MAP4K4: variants seen among roughly 807,000 people sequenced by gnomAD.
MAP4K4 encodes mitogen-activated protein kinase kinase kinase kinase 4, also known as HPK/GCK-like kinase HGK.
In MAP4K4, 38 loss-of-function variants were observed where a neutral mutation model predicts 189.6. The ratio of observed to expected loss-of-function variants is 0.20; its 90% CI spans 0.15 to 0.26. MAP4K4 has a LOEUF of 0.26. Ranked by LOEUF, MAP4K4 falls within the 10% of genes least tolerant of loss-of-function variation. The pLI is 1.00. For missense variants in MAP4K4, 1,054 were observed against 1,726.9 expected (o/e 0.61, Z 6.91); for synonymous variants, 610 against 624.3 (o/e 0.98, Z 0.34).
intron 3 of MAP4K4, among the ~76,000 whole-genome samples, chr2:101,796,791 C>T (rs1338661758): frequency 6.8e-6 from 1 of 148,108 alleles, no homozygotes; most frequent in African/African-American, 2.5e-5. Flanking sequence ...ACTGGAAGAG[C>T]CAGTATACTG....
At chr2:101,854,925 T>C (rs1209035823) in intron 12 of MAP4K4, among the ~76,000 whole-genome samples, 1 of 152,222 alleles carries the variant, frequency 6.6e-6, no homozygotes, top group Non-Finnish European at 1.5e-5. Flanking sequence ...GCAACAAAAT[T>C]AAAAACTCAG....
chr2:101,754,169 C>T (rs1363444368), intron 2 of MAP4K4, among the ~76,000 whole-genome samples: 2 of 151,992 alleles, frequency 1.3e-5, no homozygotes, highest in Non-Finnish European at 2.9e-5. Flanking sequence ...ATGTGAAATG[C>T]CTTCAAGGGG....
chr2:101,751,819 G>T (rs1041123309), intron 2 of MAP4K4, among the ~76,000 whole-genome samples: 1 of 152,140 alleles, frequency 6.6e-6, no homozygotes, highest in African/African-American at 2.4e-5. Context: ...ATGAATCTTC[G>T]CTGTGGTCTG....
At chr2:101,871,107 A>G (rs771389090) in intron 23 of MAP4K4, among the ~76,000 whole-genome samples, 5 of 152,308 alleles carry the variant, frequency 3.3e-5, no homozygotes, top group African/African-American at 7.2e-5. Flanking sequence ...TGCTATGGCA[A>G]TGCATTCGGA....
chr2:101,828,948 A>G (rs1379252219), intron 5 of MAP4K4, among the ~76,000 whole-genome samples: 1 of 152,236 alleles, frequency 6.6e-6, no homozygotes, highest in Non-Finnish European at 1.5e-5. Flanking sequence ...TGGGAAAGAA[A>G]GATACTTTAT....
At chr2:101,803,760 T>A (rs910549986) in intron 3 of MAP4K4, among the ~76,000 whole-genome samples, 6 of 152,184 alleles carry the variant, frequency 3.9e-5, no homozygotes, top group African/African-American at 1.4e-4. Context: ...ATTTTTAGAA[T>A]AAAAGCTCTG....
chr2:101,851,708 A>C (rs2149711340), intron 12 of MAP4K4, among the ~76,000 whole-genome samples: 1 of 140,952 alleles, frequency 7.1e-6, no homozygotes, highest in East Asian at 2.2e-4. Flanking sequence ...GTGGAAGAGA[A>C]GTTGGTAACT....
Position 101,739,013 on chromosome 2 carries a change from C to T in MAP4K4, c.123+40475C>T, listed in dbSNP as rs552976838. ...GCTGGCCGTCATTATTCCTTGGTACCTCTGGTAAGGCATTCGTTTTATTCT... is the reference window on the plus strand; with the variant it reads ...GCTGGCCGTCATTATTCCTTGGTACTTCTGGTAAGGCATTCGTTTTATTCT... On this transcript the variant is annotated intron_variant, in intron 2 of 32. Coordinates refer to ENST00000324219, the Ensembl canonical transcript of MAP4K4. 1.1e-3 allele frequency among the ~76,000 whole-genome samples: 160 copies of T among 152,164 alleles called. 2 individuals are homozygous for T. Among genetic ancestry groups the T allele is most frequent in the African/African-American group, 3.7e-3 (154 of 41,490 alleles).
intron 9 of MAP4K4, among the ~76,000 whole-genome samples, chr2:101,837,190 G>A (rs1200727144): frequency 1.3e-5 from 2 of 151,306 alleles, no homozygotes; most frequent in Admixed American, 6.6e-5. Context: ...AAATATGCAG[G>A]ACATCTCAGA....
At chr2:101,862,153 T>G (rs1576971594) in intron 16 of MAP4K4, 1 of 148,278 alleles carries the variant, frequency 6.7e-6, no homozygotes, top group Admixed American at 6.8e-5. Context: ...GAGAATAACT[T>G]GAACCCAGGA....
At chr2:101,880,567 G>A (rs1240993395) in intron 27 of MAP4K4, among the ~76,000 whole-genome samples, 2 of 150,790 alleles carry the variant, frequency 1.3e-5, no homozygotes, top group Non-Finnish European at 3.0e-5. Flanking sequence ...GGAGTGCAGT[G>A]GTGAGATCTC....
intron 2 of MAP4K4, among the ~76,000 whole-genome samples, chr2:101,744,044 A>G (rs143799503): frequency 1.2e-3 from 186 of 152,280 alleles, no homozygotes; most frequent in African/African-American, 4.4e-3. Context: ...TTTACTCTCT[A>G]TGGCGATGAG....
chr2:101,864,891 T>C (rs746184561), intron 17 of MAP4K4, 39 bp from the exon 18 acceptor site: 12 of 1,310,982 alleles, frequency 9.2e-6, no homozygotes, highest in Middle Eastern at 3.7e-4. Flanking sequence ...TTCCTTTTCA[T>C]GTTTTCAATA....
chr2:101,780,111 C>T (rs2086569006), intron 2 of MAP4K4, among the ~76,000 whole-genome samples: 2 of 152,218 alleles, frequency 1.3e-5, no homozygotes, highest in East Asian at 3.9e-4. Context: ...TACGTAGGTT[C>T]ACGGGCAGTG....
chr2:101,790,057 T>C (rs1351058835), intron 2 of MAP4K4, among the ~76,000 whole-genome samples: 1 of 152,168 alleles, frequency 6.6e-6, no homozygotes, highest in African/African-American at 2.4e-5. Context: ...AGGGAAATAA[T>C]TTTAAAAAAA....
At chr2:101,829,664 C>G in intron 6 of MAP4K4, 70 bp downstream of exon 6, 1 of 1,057,572 alleles carries the variant, frequency 9.5e-7, no homozygotes, top group Non-Finnish European at 1.4e-6. Flanking sequence ...CCCAGTTCTG[C>G]TTCCATCTAG....
intron 2 of MAP4K4, among the ~76,000 whole-genome samples, chr2:101,734,241 G>A (rs562675091): frequency 6.6e-6 from 1 of 152,192 alleles, no homozygotes; most frequent in East Asian, 1.9e-4. Flanking sequence ...AAATATTAAG[G>A]AAAATGTAAA....
At chr2:101,816,391 G>C (rs1056693682) in intron 3 of MAP4K4, among the ~76,000 whole-genome samples, 1 of 152,174 alleles carries the variant, frequency 6.6e-6, no homozygotes, top group Non-Finnish European at 1.5e-5. Context: ...AAACACTGTT[G>C]CTTATCACAC....
chr2:101,732,867 G>A (rs2059065031), intron 2 of MAP4K4, among the ~76,000 whole-genome samples: 1 of 152,240 alleles, frequency 6.6e-6, no homozygotes, highest in Non-Finnish European at 1.5e-5. Flanking sequence ...GATTACAGGC[G>A]TGAGCCACCG....
Sources: gnomAD v4.1 joint callset for allele counts (sites outside exome capture counted in the v4.1 genomes callset) on GRCh38, gnomAD v4.1.1 for gene constraint, MANE v1.5 for transcripts, NCBI Gene and HGNC (gene_info 2026-07-23, HGNC 2026-07-21) for gene names.